The following CRB1 variants were observed in gnomAD, a reference collection of about 807,000 sequenced individuals.
CRB1 encodes the protein protein crumbs homolog 1.
CRB1 carries 83 observed loss-of-function variants against 120.0 expected under a neutral mutation model. The observed-to-expected ratio is 0.69, with a 90% CI of 0.58 to 0.83. The LOEUF is 0.83. Among genes scored for constraint, CRB1 ranks in the 40% least tolerant of loss-of-function variants. The probability of loss-of-function intolerance (pLI) is 0.00; values close to 1 mark genes in which losing one functional copy is unlikely to be tolerated. For synonymous variants in CRB1, 625 were observed against 612.5 expected (o/e 1.02, Z -0.30); for missense variants, 1,699 against 1,687.6 (o/e 1.01, Z -0.12).
intron 2 of CRB1, among the ~76,000 whole-genome samples, chr1:197,332,514 A>G (rs1558060102): frequency 2.0e-5 from 3 of 152,170 alleles, no homozygotes; most frequent in Non-Finnish European, 4.4e-5. Flanking sequence ...GCAGATAAAA[A>G]TCGGGTCTAT....
At chr1:197,274,268 C>CT (rs1655066153) in intron 1 of CRB1, among the ~76,000 whole-genome samples, 1 of 152,116 alleles carries the variant, frequency 6.6e-6, no homozygotes, top group Admixed American at 6.6e-5. Context: ...TGGGAAACAA[C>CT]TTTAACTGTT....
intron 1 of CRB1, among the ~76,000 whole-genome samples, chr1:197,291,460 C>T (rs1275379815): frequency 5.9e-5 from 9 of 151,646 alleles, no homozygotes; most frequent in East Asian, 3.9e-4. Context: ...GTGATTACTG[C>T]GAAAATCTTA....
At chr1:197,463,321 C>T (rs1666611293) in intron 11 of CRB1, among the ~76,000 whole-genome samples, 2 of 152,132 alleles carry the variant, frequency 1.3e-5, no homozygotes, top group Non-Finnish European at 2.9e-5. Context: ...TTCCACCCAT[C>T]AGCCTACTTT....
At chr1:197,439,320 C>G (rs549141086) in intron 10 of CRB1, 3 of 155,550 alleles carry the variant, frequency 1.9e-5, no homozygotes, top group Non-Finnish European at 2.9e-5. Flanking sequence ...AACTGGGGCT[C>G]TATAGAATAC....
chr1:197,255,569 C>G, the CRB1 span, among the ~76,000 whole-genome samples: 1 of 151,974 alleles, frequency 6.6e-6, no homozygotes, highest in Admixed American at 6.6e-5. Context: ...TAAGAAGGAG[C>G]CCACAGTTGA....
At chr1:197,456,864 G>T (rs931031169) in intron 11 of CRB1, among the ~76,000 whole-genome samples, 1 of 152,106 alleles carries the variant, frequency 6.6e-6, no homozygotes, top group African/African-American at 2.4e-5. Context: ...AGGCAGTCCT[G>T]CAGGTTATAC....
At chr1:197,260,701 T>A in the CRB1 span, among the ~76,000 whole-genome samples, 3 of 145,592 alleles carry the variant, frequency 2.1e-5, no homozygotes, top group African/African-American at 7.7e-5. Context: ...ACTAACTAAT[T>A]TTTTTTTTTT....
chr1:197,460,818 A>G (rs1287109836), intron 11 of CRB1, among the ~76,000 whole-genome samples: 1 of 152,186 alleles, frequency 6.6e-6, no homozygotes, highest in African/African-American at 2.4e-5. Flanking sequence ...TAATTGTAAA[A>G]TAAGTGTTTT....
chr1:197,371,794 C>A (rs1319624339), intron 5 of CRB1, among the ~76,000 whole-genome samples: 1 of 152,108 alleles, frequency 6.6e-6, no homozygotes, highest in Non-Finnish European at 1.5e-5. Flanking sequence ...GGGAATTCAT[C>A]GCTTTTACGG....
At chr1:197,255,266 T>A in the CRB1 span, among the ~76,000 whole-genome samples, 3 of 152,060 alleles carry the variant, frequency 2.0e-5, no homozygotes, top group Non-Finnish European at 4.4e-5. Flanking sequence ...AGGAAAAAAT[T>A]AAAATTCACT....
chr1:197,333,939 C>T (rs1659001947), intron 2 of CRB1, among the ~76,000 whole-genome samples: 1 of 152,100 alleles, frequency 6.6e-6, no homozygotes, highest in African/African-American at 2.4e-5. Context: ...CTTATTGTAT[C>T]CAAGGAAAAC....
chr1:197,433,620 G>A (rs565888986), intron 8 of CRB1, among the ~76,000 whole-genome samples: 1 of 152,236 alleles, frequency 6.6e-6, no homozygotes, highest in Non-Finnish European at 1.5e-5. Flanking sequence ...AGCAGGATTG[G>A]GGGATGTCAG....
intron 11 of CRB1, among the ~76,000 whole-genome samples, chr1:197,469,582 A>G (rs1666894098): frequency 1.3e-5 from 2 of 152,174 alleles, no homozygotes; most frequent in Non-Finnish European, 2.9e-5. Flanking sequence ...CACGCTCTGA[A>G]TCTTTAGTTA....
rs62636275 is a variant in CRB1 at position 197,435,170 on chromosome 1, G to A, written c.3307G>A (p.Gly1103Arg). 30 of 1,613,744 alleles carry A rather than the reference G, an allele frequency of 1.9e-5. No individual in the cohort carries two copies. Among genetic ancestry groups the A allele is most frequent in the Non-Finnish European group, 2.4e-5 (28 of 1,179,852 alleles). The change falls in exon 9 of 12, where the codon GGA becomes AGA. Residue 1103 changes from glycine to arginine, a missense_variant. Gly to Arg is a moderately radical substitution (Grantham distance 125). Coordinates refer to ENST00000367400, the MANE Select transcript of CRB1 (RefSeq NM_201253.3). The stretch of plus-strand genomic sequence containing the variant: ...AGGGTGTCTAAGTACAATAGAAATC[G>A]GAGGCATTTATCTCTCTTACTTTGA... ...LQGCLSTIEI[G>R]GIYLSYFENV...
intron 1 of CRB1, among the ~76,000 whole-genome samples, chr1:197,321,727 A>T (rs1359351005): frequency 1.3e-5 from 2 of 152,232 alleles, no homozygotes; most frequent in Non-Finnish European, 2.9e-5. Flanking sequence ...TTTAGGTTGC[A>T]TATAGATAAG....
intron 1 of CRB1, among the ~76,000 whole-genome samples, chr1:197,286,177 A>G (rs889378760): frequency 6.6e-6 from 1 of 151,918 alleles, no homozygotes; most frequent in African/African-American, 2.4e-5. Flanking sequence ...TTCATGTGGC[A>G]TCAGTTTGAT....
chr1:197,389,550 A>G (rs1021182341), intron 5 of CRB1, among the ~76,000 whole-genome samples: 6 of 152,036 alleles, frequency 3.9e-5, no homozygotes, highest in Non-Finnish European at 7.4e-5. Flanking sequence ...GGGAAGCGAG[A>G]ATTTGGTGCT....
chr1:197,232,667 A>G, the CRB1 span, among the ~76,000 whole-genome samples: 7 of 152,172 alleles, frequency 4.6e-5, no homozygotes, highest in Non-Finnish European at 1.0e-4. Context: ...TTCAAACCCC[A>G]AATTCATTGA....
Position 197,327,697 on chromosome 1 carries a change from A to G in CRB1, c.71-725A>G, listed in dbSNP as rs1292500482. On this transcript the variant is annotated intron_variant, in intron 1 of 11. Transcript: ENST00000367400. ...AAATAATTGCTTATAGTAACTATAT[A>G]AAATCTTTTCTTTTCTCTTGTGCAG... 2.6e-5 allele frequency among the ~76,000 whole-genome samples: 4 copies of G among 152,112 alleles called. No homozygotes were observed. In the East Asian group the frequency reaches 7.7e-4, roughly 29 times the overall value.
Sources: allele counts gnomAD v4.1 joint callset (sites outside exome capture counted in the v4.1 genomes callset), GRCh38; gene constraint gnomAD v4.1.1; transcripts MANE v1.5; gene names NCBI Gene and HGNC (gene_info 2026-07-23, HGNC 2026-07-21).